RGL1: variants seen among roughly 807,000 people sequenced by gnomAD.
RGL1 encodes the protein ral guanine nucleotide dissociation stimulator-like 1.
RGL1 carries 24 observed loss-of-function variants against 95.2 expected under a neutral mutation model. The observed-to-expected ratio is 0.25, with a 90% CI of 0.18 to 0.35. The LOEUF (loss-of-function observed/expected upper bound fraction) is 0.35. RGL1 is among the 10% of genes least tolerant of loss of function. The pLI is 1.00. For synonymous variants in RGL1, 329 were observed against 344.9 expected (o/e 0.95, Z 0.51); for missense variants, 715 against 936.3 (o/e 0.76, Z 3.08).
At chr1:183,638,348 A>G (rs923276309) in intron 1 of RGL1, among the ~76,000 whole-genome samples, 1 of 152,150 alleles carries the variant, frequency 6.6e-6, no homozygotes, top group Non-Finnish European at 1.5e-5. Flanking sequence ...CTAATGCAGT[A>G]TTTTTTATTG....
In RGL1 at chr1:183,840,701, AAATAAATAAATAAATAAATAAAT is replaced by A. The variant is rs1663995523; in HGVS notation, c.139-6841_139-6819del. ...AATATAGCGAGGCCTTGTCTCTAAA[AAATAAATAAATAAATAAATAAAT>A]AATAAATAAATAAATAAATAAATTA... On this transcript the variant is annotated intron_variant, in intron 2 of 17. Coordinates refer to ENST00000360851, the MANE Select transcript of RGL1 (RefSeq NM_001297671.3). Among the ~76,000 whole-genome samples, 3 of 61,992 alleles carry A rather than the reference AAATAAATAAATAAATAAATAAAT, an allele frequency of 4.8e-5. No homozygotes were observed. The East Asian group carries it at 1.5e-3, about 31-fold the overall frequency. The allele number at this position is 61,992 out of a possible 152,430, so 40.7% of individuals were successfully genotyped here.
intron 2 of RGL1, among the ~76,000 whole-genome samples, chr1:183,773,860 G>A (rs2102337235): frequency 6.6e-6 from 1 of 152,118 alleles, no homozygotes; most frequent in East Asian, 1.9e-4. Context: ...CAAACAAAGA[G>A]ACTTGAAACA....
At chr1:183,913,182 C>CTTTTTTTTT (rs537751695) in intron 15 of RGL1, among the ~76,000 whole-genome samples, 10 of 68,276 alleles carry the variant, frequency 1.5e-4, no homozygotes, top group African/African-American at 3.8e-4. Context: ...GACCAGTCTT[C>CTTTTTTTTT]TTTTTTTTTT....
intron 2 of RGL1, among the ~76,000 whole-genome samples, chr1:183,823,951 T>C (rs1301715445): frequency 6.6e-6 from 1 of 152,150 alleles, no homozygotes; most frequent in Non-Finnish European, 1.5e-5. Flanking sequence ...CCCCCATGGC[T>C]AATTCTTTTA....
At chr1:183,852,193 T>G (rs1220826075) in intron 3 of RGL1, among the ~76,000 whole-genome samples, 1 of 152,216 alleles carries the variant, frequency 6.6e-6, no homozygotes, top group Non-Finnish European at 1.5e-5. Context: ...CTTCTAATAA[T>G]GTGGGTTTTC....
chr1:183,662,628 C>T (rs1327533908), intron 1 of RGL1, among the ~76,000 whole-genome samples: 1 of 152,150 alleles, frequency 6.6e-6, no homozygotes, highest in African/African-American at 2.4e-5. Context: ...TAAAAATGGC[C>T]ATACTGCCCA....
In RGL1 at chr1:183,647,230, T is replaced by C. The variant is rs60195243; in HGVS notation, c.-33+10729T>C. 761 of 154,142 alleles carry C rather than the reference T, an allele frequency of 4.9e-3. 3 individuals carry two copies. The highest frequency in any genetic ancestry group is 0.012 in the African/African-American group (480 of 41,614). The allele number at this position is 154,142 out of a possible 1,614,324, so 9.5% of individuals were successfully genotyped here. On this transcript the variant is annotated intron_variant, in intron 1 of 18. Coordinates refer to the RGL1 transcript ENST00000304685. ...TCTTCTGTCCATGATTAACAATTAATAGAAAATCACTGGTTTGCTCCTGCA... is the reference window on the plus strand; with the variant it reads ...TCTTCTGTCCATGATTAACAATTAACAGAAAATCACTGGTTTGCTCCTGCA...
At chr1:183,639,048 G>A (rs1396178342) in intron 1 of RGL1, among the ~76,000 whole-genome samples, 1 of 152,204 alleles carries the variant, frequency 6.6e-6, no homozygotes, top group African/African-American at 2.4e-5. Context: ...GGGAAGCCAA[G>A]ACGGGCAGAT....
At chr1:183,805,424 A>G (rs1032008232) in intron 1 of RGL1, 100 bp downstream of exon 1, 2 of 1,011,358 alleles carry the variant, frequency 2.0e-6, no homozygotes, top group Admixed American at 3.9e-5. Context: ...TGAACGGAGC[A>G]ATCCGATTCC....
intron 4 of RGL1, among the ~76,000 whole-genome samples, chr1:183,869,797 T>C (rs562157859): frequency 6.6e-6 from 1 of 152,326 alleles, no homozygotes; most frequent in Admixed American, 6.5e-5. Flanking sequence ...CTGTATGTAA[T>C]GTATTGCAAA....
intron 2 of RGL1, among the ~76,000 whole-genome samples, chr1:183,826,586 G>A (rs1662878661): frequency 6.6e-6 from 1 of 152,102 alleles, no homozygotes; most frequent in African/African-American, 2.4e-5. Flanking sequence ...GAAATACCAG[G>A]CATAAAAATA....
intron 1 of RGL1, among the ~76,000 whole-genome samples, chr1:183,696,531 C>T (rs1254572970): frequency 1.3e-5 from 2 of 152,210 alleles, no homozygotes; most frequent in Non-Finnish European, 2.9e-5. Flanking sequence ...AATCCACAAA[C>T]ATTAGGCATC....
chr1:183,647,883 T>C lies in RGL1; in HGVS notation c.-33+11382T>C, dbSNP rs16861381. 3,806 of 1,614,144 alleles carry C rather than the reference T, an allele frequency of 2.4e-3. 90 individuals carry two copies. In the African/African-American group the frequency reaches 0.046, roughly 20 times the overall value. Reference sequence around the variant, plus strand: ...TTGGCCCATATGCATTGGTGGTAAGTCCCTGAGAGGCACTAGCACAAAAAC... The same window carrying C: ...TTGGCCCATATGCATTGGTGGTAAGCCCCTGAGAGGCACTAGCACAAAAAC... On this transcript the variant is annotated intron_variant, in intron 1 of 18. Transcript: ENST00000304685.
At chr1:183,774,495 G>C (rs1659481298) in intron 2 of RGL1, among the ~76,000 whole-genome samples, 2 of 151,796 alleles carry the variant, frequency 1.3e-5, no homozygotes, top group Admixed American at 6.6e-5. Flanking sequence ...TAGTCCCATA[G>C]ACAGTTCTTA....
intron 2 of RGL1, among the ~76,000 whole-genome samples, chr1:183,817,056 T>G (rs1366106881): frequency 3.3e-5 from 5 of 152,246 alleles, no homozygotes; most frequent in African/African-American, 9.6e-5. Flanking sequence ...CTGGTACTTT[T>G]AATTTGTTGT....
intron 1 of RGL1, among the ~76,000 whole-genome samples, chr1:183,656,081 C>A (rs959679040): frequency 6.6e-6 from 1 of 151,402 alleles, no homozygotes; most frequent in African/African-American, 2.4e-5. Flanking sequence ...AGATAGATCC[C>A]AAAGCAGACC....
At chr1:183,867,738 G>A (rs1665925562) in intron 4 of RGL1, among the ~76,000 whole-genome samples, 1 of 152,128 alleles carries the variant, frequency 6.6e-6, no homozygotes, top group Non-Finnish European at 1.5e-5. Flanking sequence ...TAGGGGTGAT[G>A]TTCCTGAGTA....
intron 4 of RGL1, among the ~76,000 whole-genome samples, chr1:183,878,269 T>G (rs1171186195): frequency 1.3e-5 from 2 of 152,030 alleles, no homozygotes; most frequent in Non-Finnish European, 2.9e-5. Flanking sequence ...TGATCACAGC[T>G]CACTGCAGCC....
At chr1:183,732,946 G>A (rs185150689) in intron 1 of RGL1, among the ~76,000 whole-genome samples, 1 of 152,190 alleles carries the variant, frequency 6.6e-6, no homozygotes, top group East Asian at 1.9e-4. Flanking sequence ...GCTTCATTTA[G>A]GCTTAAAACC....
Sources: gnomAD v4.1 joint callset for allele counts (sites outside exome capture counted in the v4.1 genomes callset) on GRCh38, gnomAD v4.1.1 for gene constraint, MANE v1.5 for transcripts, NCBI Gene and HGNC (gene_info 2026-07-23, HGNC 2026-07-21) for gene names.